BTN3A3: variants seen among roughly 807,000 people sequenced by gnomAD.
BTN3A3 encodes butyrophilin 3.
A neutral mutation model predicts 43.2 loss-of-function variants in BTN3A3; 39 were observed. That is an observed-to-expected ratio of 0.90 (90% CI 0.70 to 1.18). The LOEUF (loss-of-function observed/expected upper bound fraction) is 1.18, where lower values mean the gene tolerates loss of function less well. Among genes scored for constraint, BTN3A3 ranks in the 50% most tolerant of loss-of-function variants. BTN3A3 has a pLI of 0.00. For missense variants in BTN3A3, 631 were observed against 722.8 expected, an observed-to-expected ratio of 0.87 and a Z score of 1.46; for synonymous variants, 255 against 272.7, an observed-to-expected ratio of 0.93 and a Z score of 0.64.
intron 1 of BTN3A3, among the ~76,000 whole-genome samples, chr6:26,441,170 C>T (rs937636719): frequency 4.6e-5 from 7 of 152,142 alleles, no homozygotes; most frequent in Admixed American, 2.6e-4. Context: ...CAGTGCGTGG[C>T]TCTATCATAA....
chr6:26,444,515 ACTCC>A (rs1349006266), intron 4 of BTN3A3: 1 of 748,902 alleles, frequency 1.3e-6, no homozygotes, highest in Middle Eastern at 3.9e-4. Context: ...GAAGTAAACA[ACTCC>A]CTCCCTCTGA....
At chr6:26,447,446 C>A (rs1229538018) in intron 5 of BTN3A3, among the ~76,000 whole-genome samples, 3 of 151,180 alleles carry the variant, frequency 2.0e-5, no homozygotes, top group Non-Finnish European at 4.4e-5. Flanking sequence ...CACTGCAAGC[C>A]CCGCTTCCTG....
chr6:26,447,183 A>G (rs145991023), intron 5 of BTN3A3, among the ~76,000 whole-genome samples: 2 of 152,354 alleles, frequency 1.3e-5, no homozygotes, highest in Non-Finnish European at 2.9e-5. Flanking sequence ...GATCTCCAAG[A>G]CACACTTTAC....
Position 26,448,240 on chromosome 6 carries a change from C to G in BTN3A3, c.716-8C>G, listed in dbSNP as rs751346138. On this transcript the variant is annotated splice_region_variant and splice_polypyrimidine_tract_variant and intron_variant, in intron 5 of 10. Transcript: ENST00000244519. ...AGCTCCCATGACCCACAGCTCTCCC[C>G]TTCGCAGACCCCTTCTTCAGGAGCG... The G allele has an allele frequency of 1.9e-6, 3 of 1,612,720 alleles. No individual in the cohort carries two copies. In the South Asian group the frequency reaches 3.3e-5, roughly 18 times the overall value.
Position 26,452,225 on chromosome 6 carries a change from TC to T in BTN3A3, c.1571del (p.Pro524LeufsTer3). 1 of 1,614,130 alleles carries T rather than the reference TC, an allele frequency of 6.2e-7. No individual in the cohort carries two copies. The highest frequency in any genetic ancestry group is 1.1e-5 in the South Asian group (1 of 91,076). The part of the protein sequence containing the change: ...IPKEVESSPD[P>X]DLVPDHSLET... ...CAAAAGAAGTAGAGAGTTCCCCCGA[TC>T]CTGACCTAGTGCCTGATCATTCCCT... On this transcript the variant is annotated frameshift_variant, in exon 11 of 11. Coordinates refer to ENST00000244519, the MANE Select transcript of BTN3A3 (RefSeq NM_006994.5). LOFTEE classifies it low-confidence loss of function (END_TRUNC).
intron 8 of BTN3A3, 116 bp downstream of exon 8, chr6:26,448,870 C>A: frequency 8.0e-7 from 1 of 1,252,094 alleles, no homozygotes; most frequent in South Asian, 1.3e-5. Context: ...TCCTAGATCC[C>A]TTTACTCAGG....
In BTN3A3 at chr6:26,452,600, A is replaced by T; in HGVS notation, c.*189A>T. 1 of 597,752 alleles carries T rather than the reference A, an allele frequency of 1.7e-6. No homozygotes were observed. Among genetic ancestry groups the T allele is most frequent in the Non-Finnish European group, 2.9e-6 (1 of 345,780 alleles). 37.0% of individuals were successfully genotyped at this position (597,752 alleles called of 1,614,324 possible). A position where few individuals can be genotyped will look rare whatever the true frequency, so the allele number is the denominator to read the frequency against. ...TTAACAGAGAATTTAAAATGTTCTT[A>T]GTGCTGTGTTATAAGCTTTGGTGGA... On this transcript the variant is annotated 3_prime_UTR_variant, in exon 11 of 11. Transcript: ENST00000244519.
At position 26,448,886 on chromosome 6, in the gene BTN3A3, A is replaced by G. The variant is rs1762854280; in HGVS notation, c.964+132A>G. 3 of 1,116,682 alleles carry G rather than the reference A, an allele frequency of 2.7e-6. 1 individual carries two copies. In the Admixed American group the frequency reaches 6.2e-5, roughly 23 times the overall value. The allele number at this position is 1,116,682 out of a possible 1,614,324, so 69.2% of individuals were successfully genotyped here. On this transcript the variant is annotated intron_variant, in intron 8 of 10. Transcript: ENST00000244519. ...CCTAGATCCCTTTACTCAGGAAAAG[A>G]AAATAAGTTTGGCTCTTTGGAGAAA...
At position 26,451,711 on chromosome 6, in the gene BTN3A3, T is replaced by A. The variant is rs370679491; in HGVS notation, c.1055T>A (p.Ile352Asn). Residue 352 changes from isoleucine to asparagine, a missense_variant, in exon 11 of 11, where the codon ATC (isoleucine) becomes AAC (asparagine). This residue lies in a region of BTN3A3 where 551 missense variants were observed against 584.0 expected (regional missense o/e 0.94). Coordinates refer to ENST00000244519, the MANE Select transcript of BTN3A3 (RefSeq NM_006994.5). ...CTGGATCCAGACACGGCAAACGCCA[T>A]CCTCCTTGTTTCTGAGGACCAGAGG... The part of the protein sequence containing the change: ...VILDPDTANA[I>N]LLVSEDQRSV... 20 of 1,613,874 alleles carry A rather than the reference T, an allele frequency of 1.2e-5. No individual in the cohort carries two copies. The highest frequency in any genetic ancestry group is 1.4e-5 in the Non-Finnish European group (16 of 1,179,928).
rs941952034 is a variant in BTN3A3 at position 26,444,461 on chromosome 6, C to G, written c.433+157C>G. On this transcript the variant is annotated intron_variant, in intron 4 of 10. Coordinates refer to ENST00000244519, the MANE Select transcript of BTN3A3 (RefSeq NM_006994.5). Reference sequence around the variant, plus strand: ...GCTTCTCTGCAACCCTTAAGAAAGACACATTCTTTCTTTAGAAAGAATTCC... The same window carrying G: ...GCTTCTCTGCAACCCTTAAGAAAGAGACATTCTTTCTTTAGAAAGAATTCC... The G allele has an allele frequency of 2.8e-5, 33 of 1,173,166 alleles. No homozygotes were observed. In the African/African-American group the frequency reaches 4.6e-4, roughly 17 times the overall value. 72.7% of individuals were successfully genotyped at this position (1,173,166 alleles called of 1,614,324 possible). A position where few individuals can be genotyped will look rare whatever the true frequency, so the allele number is the denominator to read the frequency against.
chr6:26,444,449 C>T (rs1762720724), intron 4 of BTN3A3, 145 bp downstream of exon 4: 1 of 1,293,954 alleles, frequency 7.7e-7, no homozygotes, highest in African/African-American at 1.5e-5. Flanking sequence ...TCTCTGCAAC[C>T]CTTAAGAAAG....
In BTN3A3 at chr6:26,452,971, T is replaced by C. The variant is rs1285144763; in HGVS notation, c.*560T>C. The stretch of plus-strand genomic sequence containing the variant: ...GGATTAGCTCTGCAGAGTGTCTTGG[T>C]TGAGAGAATAACCTCATAGTACCAA... On this transcript the variant is annotated 3_prime_UTR_variant, in exon 11 of 11. Transcript: ENST00000244519. 1 of 154,544 alleles carries C rather than the reference T, an allele frequency of 6.5e-6. No homozygotes were observed. Among genetic ancestry groups the C allele is most frequent in the Non-Finnish European group, 1.4e-5 (1 of 69,514 alleles). 9.6% of individuals were successfully genotyped at this position (154,544 alleles called of 1,614,324 possible). A position where few individuals can be genotyped will look rare whatever the true frequency, so the allele number is the denominator to read the frequency against.
chr6:26,443,678 A>T lies in BTN3A3; in HGVS notation c.85+19A>T. The T allele has an allele frequency of 6.2e-7, 1 of 1,612,526 alleles. No individual in the cohort carries two copies. The highest frequency in any genetic ancestry group is 8.5e-7 in the Non-Finnish European group (1 of 1,178,680). On this transcript the variant is annotated intron_variant, in intron 3 of 10. Transcript: ENST00000244519. ...TGCTCAGGTAGGGAATGATTCCATG[A>T]TTCCACATTTATGTTTCTGAAGCAG...
At chr6:26,444,623 A>G in intron 4 of BTN3A3, 1 of 499,846 alleles carries the variant, frequency 2.0e-6, no homozygotes, top group Non-Finnish European at 3.6e-6. Flanking sequence ...TGGTTTAGTC[A>G]TGTAACAGAC....
Position 26,451,759 on chromosome 6 carries a change from C to A in BTN3A3, c.1103C>A (p.Pro368Gln). 1.2e-6 allele frequency: 2 copies of A among 1,614,016 alleles called. No homozygotes were observed. The highest frequency in any genetic ancestry group is 1.7e-6 in the Non-Finnish European group (2 of 1,179,924). Reference sequence around the variant, plus strand: ...AGGAGTGTGCAGCGTGCTGAAGAGCCGCGGGATCTGCCAGACAACCCTGAG... The same window carrying A: ...AGGAGTGTGCAGCGTGCTGAAGAGCAGCGGGATCTGCCAGACAACCCTGAG... The part of the protein sequence containing the change: ...DQRSVQRAEE[P>Q]RDLPDNPERF... Residue 368 changes from proline to glutamine, a missense_variant, in exon 11 of 11, where the codon CCG becomes CAG. Physicochemically the swap from Pro to Gln is moderately conservative, Grantham distance 76. Around this residue, in one of 2 missense-constraint regions of BTN3A3, gnomAD observed 551 missense variants for 584.0 expected, o/e 0.94. Transcript: ENST00000244519.
At chr6:26,448,672 C>T (rs1338126063) in intron 7 of BTN3A3, 35 bp downstream of exon 7, 4 of 1,613,906 alleles carry the variant, frequency 2.5e-6, no homozygotes, top group South Asian at 2.2e-5. Context: ...CCAGGCATGT[C>T]TTCTTATCCC....
Position 26,451,689 on chromosome 6 carries a change from G to T in BTN3A3, c.1033G>T (p.Asp345Tyr), listed in dbSNP as rs1199659289. The T allele has an allele frequency of 3.7e-6, 6 of 1,612,108 alleles. No homozygotes were observed. In the South Asian group the frequency reaches 6.6e-5, roughly 18 times the overall value. The change falls in exon 11 of 11, where the codon GAT (aspartate) becomes TAT (tyrosine). Residue 345 changes from aspartate to tyrosine, a missense_variant. Around this residue, in one of 2 missense-constraint regions of BTN3A3, gnomAD observed 551 missense variants for 584.0 expected, o/e 0.94. Transcript: ENST00000244519. ...ALFKPADVIL[D>Y]PDTANAILLV... Reference sequence around the variant, plus strand: ...ACTCTCTGCAGCGGATGTGATTCTGGATCCAGACACGGCAAACGCCATCCT... The same window carrying T: ...ACTCTCTGCAGCGGATGTGATTCTGTATCCAGACACGGCAAACGCCATCCT...
rs1039472934 is a variant in BTN3A3 at position 26,453,273 on chromosome 6, A to G, written c.*862A>G. 6.6e-6 allele frequency: 1 copy of G among 152,074 alleles called. No individual in the cohort carries two copies. 9.4% of individuals were successfully genotyped at this position (152,074 alleles called of 1,614,324 possible). ...CCACTCCTGGTCATTGGTGGATGTT[A>G]AACCCATATTCCTTTCAACTGCTGC... On this transcript the variant is annotated 3_prime_UTR_variant, in exon 11 of 11. Coordinates refer to ENST00000244519, the MANE Select transcript of BTN3A3 (RefSeq NM_006994.5).
At chr6:26,445,579 T>C in intron 4 of BTN3A3, 125 bp from the exon 5 acceptor site, 1 of 1,236,226 alleles carries the variant, frequency 8.1e-7, no homozygotes, top group Non-Finnish European at 1.1e-6. Flanking sequence ...TGACCACACT[T>C]GTGTAAATAG....
Sources: gnomAD v4.1 joint callset for allele counts (sites outside exome capture counted in the v4.1 genomes callset) on GRCh38, gnomAD v4.1.1 for gene constraint, gnomAD v4.1.1 regional missense constraint, MANE v1.5 for transcripts, NCBI Gene and HGNC (gene_info 2026-07-23, HGNC 2026-07-21) for gene names.